The following WDR70 variants were observed in gnomAD, a reference collection of about 807,000 sequenced individuals.
WDR70 encodes the protein WD repeat-containing protein 70.
A neutral mutation model predicts 88.6 loss-of-function variants in WDR70; 53 were observed. The ratio of observed to expected loss-of-function variants is 0.60; its 90% CI spans 0.48 to 0.75. WDR70 has a LOEUF of 0.75. Ranked by LOEUF, WDR70 falls within the 30% of genes least tolerant of loss-of-function variation. The pLI is 0.00. For missense variants in WDR70, 610 were observed against 823.2 expected (o/e 0.74, Z 3.17); for synonymous variants, 280 against 270.0 (o/e 1.04, Z -0.36).
At chr5:37,628,045 C>T (rs1404694856) in intron 10 of WDR70, among the ~76,000 whole-genome samples, 1 of 152,172 alleles carries the variant, frequency 6.6e-6, no homozygotes, top group African/African-American at 2.4e-5. Flanking sequence ...CTTCCTCAGC[C>T]TCCTTAGTAG....
chr5:37,613,663 G>A (rs897458995), intron 10 of WDR70, among the ~76,000 whole-genome samples: 4 of 152,102 alleles, frequency 2.6e-5, no homozygotes, highest in Non-Finnish European at 5.9e-5. Flanking sequence ...CTTCTCTGTT[G>A]TTGTTATTAT....
chr5:37,519,551 G>T (rs75618577), intron 9 of WDR70, among the ~76,000 whole-genome samples: 1 of 142,484 alleles, frequency 7.0e-6, no homozygotes, highest in Non-Finnish European at 1.5e-5. Flanking sequence ...GGGCGGAGGC[G>T]CTCCTCACCT....
intron 5 of WDR70, among the ~76,000 whole-genome samples, chr5:37,416,758 T>G (rs1438948625): frequency 6.6e-6 from 1 of 151,994 alleles, no homozygotes; most frequent in African/African-American, 2.4e-5. Context: ...TTTTGTAATT[T>G]TAGTAGAGTC....
intron 9 of WDR70, among the ~76,000 whole-genome samples, chr5:37,557,573 T>C (rs1399675687): frequency 2.0e-5 from 3 of 152,180 alleles, no homozygotes; most frequent in Non-Finnish European, 4.4e-5. Flanking sequence ...CACTTGGTTT[T>C]TGTGTGGGAA....
intron 5 of WDR70, among the ~76,000 whole-genome samples, chr5:37,416,050 C>T (rs1749734530): frequency 1.3e-5 from 2 of 151,598 alleles, no homozygotes. Flanking sequence ...CAGAGGGGCT[C>T]CTCACATCCC....
At chr5:37,536,641 G>A (rs1741674281) in intron 9 of WDR70, among the ~76,000 whole-genome samples, 1 of 151,862 alleles carries the variant, frequency 6.6e-6, no homozygotes. Flanking sequence ...TCATCAAATG[G>A]TTTTTCCTAA....
chr5:37,387,877 C>T (rs1748674365), intron 3 of WDR70, among the ~76,000 whole-genome samples: 1 of 151,944 alleles, frequency 6.6e-6, no homozygotes, highest in Admixed American at 6.6e-5. Context: ...GAGTCTTTCC[C>T]CAGGTATTGA....
intron 10 of WDR70, among the ~76,000 whole-genome samples, chr5:37,668,060 A>C (rs1745915991): frequency 6.6e-6 from 1 of 152,094 alleles, no homozygotes; most frequent in African/African-American, 2.4e-5. Flanking sequence ...ATGATGTTAC[A>C]AAAACAAACA....
intron 10 of WDR70, among the ~76,000 whole-genome samples, chr5:37,662,335 G>C (rs1581474550): frequency 6.6e-6 from 1 of 152,042 alleles, no homozygotes; most frequent in Non-Finnish European, 1.5e-5. Context: ...TGTTTTCCAG[G>C]ATAAAGGTAA....
At chr5:37,389,164 C>G (rs1451322266) in intron 3 of WDR70, among the ~76,000 whole-genome samples, 8 of 148,860 alleles carry the variant, frequency 5.4e-5, no homozygotes, top group African/African-American at 2.0e-4. Context: ...ACTATCTTGG[C>G]TTACTGCAAC....
intron 8 of WDR70, among the ~76,000 whole-genome samples, chr5:37,501,666 C>G (rs1740409198): frequency 6.6e-6 from 1 of 152,040 alleles, no homozygotes; most frequent in Non-Finnish European, 1.5e-5. Flanking sequence ...TTGTGGCTGT[C>G]CAGTTTTCCC....
intron 7 of WDR70, among the ~76,000 whole-genome samples, chr5:37,455,347 C>T (rs555957669): frequency 6.0e-5 from 9 of 150,812 alleles, no homozygotes; most frequent in African/African-American, 1.2e-4. Context: ...CAGGTTCAAG[C>T]GATTCTCCTG....
chr5:37,678,656 C>T (rs1471719457), intron 10 of WDR70, among the ~76,000 whole-genome samples: 2 of 152,212 alleles, frequency 1.3e-5, no homozygotes, highest in Non-Finnish European at 2.9e-5. Context: ...TCTCTGGCTG[C>T]CCTTAACATT....
intron 10 of WDR70, among the ~76,000 whole-genome samples, chr5:37,660,912 T>A (rs1307793533): frequency 6.6e-6 from 1 of 152,180 alleles, no homozygotes; most frequent in African/African-American, 2.4e-5. Flanking sequence ...AATTTAAAAA[T>A]ACAGTGTAAC....
intron 8 of WDR70, among the ~76,000 whole-genome samples, chr5:37,497,594 C>A (rs1231525066): frequency 6.6e-6 from 1 of 151,692 alleles, no homozygotes; most frequent in Non-Finnish European, 1.5e-5. Flanking sequence ...ATACTGAGAA[C>A]TTGGAGGGAG....
chr5:37,752,388 TC>T, intron 17 of WDR70, 97 bp from the exon 18 acceptor site: 1 of 729,822 alleles, frequency 1.4e-6, no homozygotes, highest in South Asian at 1.8e-5. Context: ...TGTAATTTAT[TC>T]CCCACATTTG....
intron 9 of WDR70, among the ~76,000 whole-genome samples, chr5:37,533,457 TCACCACCACCACCACCACCAC>T (rs35578229): frequency 2.1e-5 from 3 of 141,192 alleles, no homozygotes; most frequent in African/African-American, 5.5e-5. Flanking sequence ...AACAAAACAA[TCACCACCACCACCACCACCAC>T]CACCACCACC....
At chr5:37,433,595 C>T (rs1750380277) in intron 5 of WDR70, among the ~76,000 whole-genome samples, 1 of 152,126 alleles carries the variant, frequency 6.6e-6, no homozygotes, top group Non-Finnish European at 1.5e-5. Flanking sequence ...CACCCTTGCT[C>T]TATTTTCTGC....
At chr5:37,440,739 C>T (rs924744556) in intron 6 of WDR70, among the ~76,000 whole-genome samples, 1 of 152,204 alleles carries the variant, frequency 6.6e-6, no homozygotes, top group Non-Finnish European at 1.5e-5. Flanking sequence ...GATCCTGATA[C>T]TTCAGTGAAT....
Sources: gnomAD v4.1 joint callset for allele counts (sites outside exome capture counted in the v4.1 genomes callset) on GRCh38, gnomAD v4.1.1 for gene constraint, MANE v1.5 for transcripts, NCBI Gene and HGNC (gene_info 2026-07-23, HGNC 2026-07-21) for gene names.